Variants in SLC25A37 observed in about 807,000 individuals in gnomAD.
The protein encoded by SLC25A37 is mitoferrin-1.
SLC25A37 carries 17 observed loss-of-function variants against 31.0 expected under a neutral mutation model. The ratio of observed to expected loss-of-function variants is 0.55; its 90% confidence interval spans 0.38 to 0.82. SLC25A37 has a LOEUF of 0.82. Among genes scored for constraint, SLC25A37 ranks in the 40% least tolerant of loss-of-function variants. The probability of loss-of-function intolerance (pLI) is 0.00; values close to 1 mark genes in which losing one functional copy is unlikely to be tolerated. For missense variants in SLC25A37, 404 were observed against 465.8 expected (o/e 0.87, Z 1.22); for synonymous variants, 222 against 193.0 (o/e 1.15, Z -1.24).
intron 1 of SLC25A37, among the ~76,000 whole-genome samples, chr8:23,544,188 C>G (rs1445457141): frequency 6.6e-6 from 1 of 152,130 alleles, no homozygotes; most frequent in Non-Finnish European, 1.5e-5. Context: ...TATTTAGATT[C>G]ATTTAGATAA....
chr8:23,543,080 T>TTG (rs1387574977), intron 1 of SLC25A37: 5 of 152,196 alleles, frequency 3.3e-5, no homozygotes, highest in African/African-American at 1.2e-4. Context: ...ATTTATTTTT[T>TTG]TTTTTAGAGA....
chr8:23,559,362 TGCGC>T (rs201664347), intron 1 of SLC25A37, among the ~76,000 whole-genome samples: 2 of 151,272 alleles, frequency 1.3e-5, no homozygotes, highest in Non-Finnish European at 3.0e-5. Context: ...TGCGTGTGTG[TGCGC>T]GCGCGCGTGT....
At chr8:23,558,496 C>T (rs1802425830) in intron 1 of SLC25A37, among the ~76,000 whole-genome samples, 2 of 152,212 alleles carry the variant, frequency 1.3e-5, no homozygotes, top group South Asian at 4.1e-4. Flanking sequence ...CGCCAGCTCA[C>T]CTGGGACAGA....
chr8:23,556,230 A>AT (rs10687321), intron 1 of SLC25A37, among the ~76,000 whole-genome samples: 7,481 of 139,900 alleles, frequency 0.053, 254 homozygotes, highest in Middle Eastern at 0.062. Context: ...AAGAGCACCA[A>AT]TTTTTTTTTT....
chr8:23,570,712 A>G (rs1802802262), intron 3 of SLC25A37, among the ~76,000 whole-genome samples: 1 of 152,174 alleles, frequency 6.6e-6, no homozygotes, highest in African/African-American at 2.4e-5. Context: ...TTATTTGGCA[A>G]TACATGAGGC....
At chr8:23,538,626 C>G (rs17089335) in intron 1 of SLC25A37, among the ~76,000 whole-genome samples, 1 of 151,796 alleles carries the variant, frequency 6.6e-6, no homozygotes, top group Non-Finnish European at 1.5e-5. Context: ...TCATGTCATT[C>G]CACGTTTCCT....
intron 1 of SLC25A37, among the ~76,000 whole-genome samples, chr8:23,535,326 C>T (rs1801744424): frequency 6.6e-6 from 1 of 152,150 alleles, no homozygotes; most frequent in Non-Finnish European, 1.5e-5. Context: ...TGCCCCTTAG[C>T]TCCCCACCCT....
Position 23,571,496 on chromosome 8 carries a change from G to T in SLC25A37, c.658G>T (p.Glu220Ter). The T allele has an allele frequency of 6.2e-7, 1 of 1,613,998 alleles. No homozygotes were observed. The highest frequency in any genetic ancestry group is 8.5e-7 in the Non-Finnish European group (1 of 1,179,906). Residue 220 changes from glutamate to a stop codon, truncating the protein, a stop_gained, in exon 4 of 4, where the codon GAG becomes TAG. Coordinates refer to ENST00000519973, the MANE Select transcript of SLC25A37 (RefSeq NM_016612.4). LOFTEE classifies it high-confidence loss of function. ...CCAGTCCATCCACTTCATCACCTAT[G>T]AGTTCCTGCAGGAGCAGGTCAACCC... The part of the protein sequence containing the change: ...PFQSIHFITY[E>*]FLQEQVNPHR...
intron 1 of SLC25A37, among the ~76,000 whole-genome samples, chr8:23,534,223 G>C (rs1253179332): frequency 6.6e-6 from 1 of 152,180 alleles, no homozygotes. Flanking sequence ...AAAGTGCTGG[G>C]ATTACAGGCA....
chr8:23,561,429 C>T lies in SLC25A37; in HGVS notation c.211-4679C>T, dbSNP rs1019730528. Reference sequence around the variant, plus strand: ...AGGAGAGACCCTCTTGATGGCTTCACGTATATCATGGGGTGGGATGGGGAC... The same window carrying T: ...AGGAGAGACCCTCTTGATGGCTTCATGTATATCATGGGGTGGGATGGGGAC... On this transcript the variant is annotated intron_variant, in intron 1 of 3. Transcript: ENST00000519973. 2.9e-4 allele frequency among the ~76,000 whole-genome samples: 44 copies of T among 152,200 alleles called. 1 individual carries two copies. The highest frequency in any genetic ancestry group is 1.6e-3 in the Admixed American group (25 of 15,278).
chr8:23,561,200 TTTTA>T, intron 1 of SLC25A37, among the ~76,000 whole-genome samples: 1 of 152,084 alleles, frequency 6.6e-6, no homozygotes, highest in Admixed American at 6.6e-5. Flanking sequence ...GGCCCTGAGG[TTTTA>T]TTTTTCTTTC....
chr8:23,562,297 C>G (rs1802536308), intron 1 of SLC25A37, among the ~76,000 whole-genome samples: 1 of 152,220 alleles, frequency 6.6e-6, no homozygotes, highest in African/African-American at 2.4e-5. Context: ...AGATCACACC[C>G]AGGCTTGAGA....
In SLC25A37 at chr8:23,572,221, AAAAAAAAAAAAAAAAAAAAAAAAAAAAT is replaced by A. The variant is rs1398221355; in HGVS notation, c.*367_*394del. 19 of 82,728 alleles carry A rather than the reference AAAAAAAAAAAAAAAAAAAAAAAAAAAAT, an allele frequency of 2.3e-4. No homozygotes were observed. Among genetic ancestry groups the A allele is most frequent in the African/African-American group, 4.3e-4 (13 of 30,354 alleles). The allele number at this position is 82,728 out of a possible 1,614,324, so 5.1% of individuals were successfully genotyped here. ...AAAACAGTAAAAAAAAAAAAAAAAAAAAAAAAAAAAAAAAAAAAAAAAAAAAATTTATGTATATAAAAGTTGCATTACA... is the reference window on the plus strand; with the variant it reads ...AAAACAGTAAAAAAAAAAAAAAAAAATTATGTATATAAAAGTTGCATTACA... On this transcript the variant is annotated 3_prime_UTR_variant, in exon 4 of 4. Coordinates refer to ENST00000519973, the MANE Select transcript of SLC25A37 (RefSeq NM_016612.4).
chr8:23,571,971 G>T lies in SLC25A37; in HGVS notation c.*116G>T. The T allele has an allele frequency of 3.5e-6, 4 of 1,140,534 alleles. No homozygotes were observed. The highest frequency in any genetic ancestry group is 5.0e-6 in the Non-Finnish European group (4 of 807,526). 70.7% of individuals were successfully genotyped at this position (1,140,534 alleles called of 1,614,324 possible). On this transcript the variant is annotated 3_prime_UTR_variant, in exon 4 of 4. Transcript: ENST00000519973. ...GCAGGGTGCTGCCTATGGGCCCTCT[G>T]CTCCCCAATGCCTTAGAGAGAGGAG... is the stretch of plus-strand genomic sequence containing the variant.
At chr8:23,541,461 T>C (rs775216250) in intron 1 of SLC25A37, 3 of 152,270 alleles carry the variant, frequency 2.0e-5, no homozygotes, top group Non-Finnish European at 4.4e-5. Flanking sequence ...CCCGTCACTG[T>C]TTTCCTCACT....
chr8:23,544,213 TTCCAG>T (rs1259405042), intron 1 of SLC25A37, among the ~76,000 whole-genome samples: 1 of 152,198 alleles, frequency 6.6e-6, no homozygotes, highest in East Asian at 1.9e-4. Flanking sequence ...TACCATGGTA[TTCCAG>T]TTGCCTGCAG....
chr8:23,566,428 A>C, intron 2 of SLC25A37, 92 bp downstream of exon 2: 1 of 1,502,744 alleles, frequency 6.7e-7, no homozygotes, highest in Non-Finnish European at 8.8e-7. Flanking sequence ...AGCCGCCTCG[A>C]CTTCGGCCCG....
chr8:23,538,299 T>A (rs968095632), intron 1 of SLC25A37, among the ~76,000 whole-genome samples: 4 of 144,008 alleles, frequency 2.8e-5, no homozygotes, highest in Non-Finnish European at 5.9e-5. Context: ...GAGAATCACT[T>A]GAACCTGGGA....
At chr8:23,530,745 C>G (rs1363426634) in intron 1 of SLC25A37, among the ~76,000 whole-genome samples, 1 of 152,248 alleles carries the variant, frequency 6.6e-6, no homozygotes, top group Admixed American at 6.5e-5. Flanking sequence ...GTTATCTGAG[C>G]AGGCCCTAGT....
Sources: gnomAD v4.1 joint callset for allele counts (sites outside exome capture counted in the v4.1 genomes callset) on GRCh38, gnomAD v4.1.1 for gene constraint, MANE v1.5 for transcripts, NCBI Gene and HGNC (gene_info 2026-07-23, HGNC 2026-07-21) for gene names.